The following TNFAIP8 variants were observed in gnomAD, a reference collection of about 807,000 sequenced individuals.
The protein encoded by TNFAIP8 is tumor necrosis factor alpha-induced protein 8.
A neutral mutation model predicts 13.3 loss-of-function variants in TNFAIP8; 7 were observed. The observed-to-expected ratio is 0.52, with a 90% CI of 0.30 to 0.99. The LOEUF is 0.99. TNFAIP8 is among the 50% of genes least tolerant of loss of function. The pLI, the probability that TNFAIP8 is intolerant of heterozygous loss-of-function variation, is 0.07. For missense variants in TNFAIP8, 258 were observed against 236.9 expected, an observed-to-expected ratio of 1.09 and a Z score of -0.58; for synonymous variants, 94 against 87.6, an observed-to-expected ratio of 1.07 and a Z score of -0.41.
chr5:119,326,639 G>T (rs1481839882), intron 1 of TNFAIP8, among the ~76,000 whole-genome samples: 3 of 152,168 alleles, frequency 2.0e-5, no homozygotes, highest in Non-Finnish European at 4.4e-5. Flanking sequence ...CAGTGTTAAG[G>T]GTGATCGGGC....
chr5:119,290,283 T>C (rs1225605579), intron 1 of TNFAIP8, among the ~76,000 whole-genome samples: 2 of 152,218 alleles, frequency 1.3e-5, no homozygotes, highest in Admixed American at 6.5e-5. Context: ...AGCTGGTTGG[T>C]TCTGGCTTGA....
intron 1 of TNFAIP8, among the ~76,000 whole-genome samples, chr5:119,370,739 T>G (rs1289211134): frequency 3.3e-5 from 5 of 152,184 alleles, no homozygotes; most frequent in Non-Finnish European, 1.5e-5. Flanking sequence ...TATATAAAAA[T>G]ATTTCACATT....
upstream of TNFAIP8, chr5:119,355,871 T>C: frequency 7.1e-6 from 8 of 1,119,770 alleles, no homozygotes; most frequent in Non-Finnish European, 8.8e-6. Flanking sequence ...GGGGGCGGAC[T>C]CCCGCCGCCC....
intron 1 of TNFAIP8, among the ~76,000 whole-genome samples, chr5:119,278,372 AGAGAGT>A (rs1194432452): frequency 3.1e-4 from 39 of 124,996 alleles, no homozygotes; most frequent in South Asian, 1.3e-3. Flanking sequence ...AGAGAGAGAG[AGAGAGT>A]GTGTGTGTGT....
At chr5:119,274,360 A>G (rs1448130179) in intron 1 of TNFAIP8, among the ~76,000 whole-genome samples, 1 of 152,182 alleles carries the variant, frequency 6.6e-6, no homozygotes, top group Non-Finnish European at 1.5e-5. Flanking sequence ...CACTCTTTAA[A>G]GGGTTGAGAT....
intron 1 of TNFAIP8, among the ~76,000 whole-genome samples, chr5:119,323,809 G>A (rs568727061): frequency 6.6e-6 from 1 of 152,262 alleles, no homozygotes; most frequent in South Asian, 2.1e-4. Context: ...ATGGGCTTCT[G>A]CAGTAAAACT....
chr5:119,315,015 G>A (rs954855329), intron 1 of TNFAIP8, among the ~76,000 whole-genome samples: 2 of 152,176 alleles, frequency 1.3e-5, no homozygotes, highest in Non-Finnish European at 2.9e-5. Flanking sequence ...CCCAGTAGCT[G>A]GGATCACAGG....
chr5:119,318,511 G>T (rs761809508), intron 1 of TNFAIP8, among the ~76,000 whole-genome samples: 8 of 151,990 alleles, frequency 5.3e-5, no homozygotes, highest in South Asian at 2.1e-4. Context: ...GCCCAGGCTG[G>T]TCTTGAACTC....
intron 1 of TNFAIP8, among the ~76,000 whole-genome samples, chr5:119,392,413 C>T (rs1752927334): frequency 6.6e-6 from 1 of 151,354 alleles, no homozygotes; most frequent in African/African-American, 2.4e-5. Context: ...TGTTTTGAGA[C>T]AGAGTCTCGC....
rs1753123923 is a variant in TNFAIP8, at chr5:119,398,484, C to T, written c.*5103C>T. 6.6e-6 allele frequency: 1 copy of T among 152,108 alleles called. No homozygotes were observed. Among genetic ancestry groups the T allele is most frequent in the African/African-American group, 2.4e-5 (1 of 41,424 alleles). The allele number at this position is 152,108 out of a possible 1,614,324, so 9.4% of individuals were successfully genotyped here. Reference sequence around the variant, plus strand: ...TCACCTGAGGTCCAGAGTTCAAGACCAGCCTGACCAACATGGTGAAACCCC... The same window carrying T: ...TCACCTGAGGTCCAGAGTTCAAGACTAGCCTGACCAACATGGTGAAACCCC... On this transcript the variant is annotated 3_prime_UTR_variant, in exon 2 of 2. Coordinates refer to ENST00000504771, the MANE Select transcript of TNFAIP8 (RefSeq NM_014350.4).
intron 1 of TNFAIP8, among the ~76,000 whole-genome samples, chr5:119,348,880 C>CAAAAAAAAAAAAAAAAAAA: frequency 1.1e-5 from 1 of 90,986 alleles, no homozygotes; most frequent in Middle Eastern, 6.7e-3. Context: ...AACTCCATCT[C>CAAAAAAAAAAAAAAAAAAA]AAAAAAAAAA....
At chr5:119,333,711 T>C in intron 1 of TNFAIP8, 1 of 1,123,818 alleles carries the variant, frequency 8.9e-7, no homozygotes, top group Non-Finnish European at 1.3e-6. Context: ...ATGACTAACA[T>C]AGTATTGCTG....
intron 1 of TNFAIP8, among the ~76,000 whole-genome samples, chr5:119,321,794 C>T (rs1238348446): frequency 2.6e-5 from 4 of 152,194 alleles, no homozygotes; most frequent in Admixed American, 6.5e-5. Flanking sequence ...ATGGTCTTAT[C>T]GCTGATCACA....
intron 1 of TNFAIP8, among the ~76,000 whole-genome samples, chr5:119,374,767 C>T (rs1580436058): frequency 6.6e-6 from 1 of 152,270 alleles, no homozygotes; most frequent in South Asian, 2.1e-4. Flanking sequence ...TTGGAGAGGA[C>T]CCTGTGTTTC....
intron 1 of TNFAIP8, among the ~76,000 whole-genome samples, chr5:119,315,809 A>T (rs1749877374): frequency 6.6e-6 from 1 of 152,062 alleles, no homozygotes; most frequent in Non-Finnish European, 1.5e-5. Context: ...ACCCACACAC[A>T]CAGAAGTCTT....
upstream of TNFAIP8, among the ~76,000 whole-genome samples, chr5:119,351,381 T>C (rs1751137040): frequency 6.9e-6 from 1 of 145,228 alleles, no homozygotes; most frequent in Non-Finnish European, 1.5e-5. Context: ...AACTATACTT[T>C]GAACACCCAT....
At chr5:119,327,188 G>A (rs140464544) in intron 1 of TNFAIP8, among the ~76,000 whole-genome samples, 1 of 152,298 alleles carries the variant, frequency 6.6e-6, no homozygotes, top group East Asian at 1.9e-4. Flanking sequence ...GGAATGATTT[G>A]CTGCCAGCCC....
chr5:119,285,059 T>C (rs1398985633), intron 1 of TNFAIP8, among the ~76,000 whole-genome samples: 3 of 152,130 alleles, frequency 2.0e-5, no homozygotes, highest in Non-Finnish European at 4.4e-5. Flanking sequence ...AGGAATATCA[T>C]AGAGAAATTT....
chr5:119,391,365 G>C, intron 1 of TNFAIP8: 1 of 702,060 alleles, frequency 1.4e-6, no homozygotes, highest in Non-Finnish European at 2.6e-6. Flanking sequence ...TGATACCCAG[G>C]CCTAGGCTTA....
Sources: allele counts gnomAD v4.1 joint callset (sites outside exome capture counted in the v4.1 genomes callset), GRCh38; gene constraint gnomAD v4.1.1; transcripts MANE v1.5; gene names NCBI Gene and HGNC (gene_info 2026-07-23, HGNC 2026-07-21).